RAP1A: variants seen among roughly 807,000 people sequenced by gnomAD.
RAP1A encodes RAP1A, member of RAS oncogene family.
RAP1A carries 6 observed loss-of-function variants against 26.4 expected under a neutral mutation model. The observed-to-expected ratio is 0.23, with a 90% CI of 0.12 to 0.45. The LOEUF is 0.45. Among genes scored for constraint, RAP1A ranks in the 20% least tolerant of loss-of-function variants. RAP1A has a pLI of 0.99. For synonymous variants in RAP1A, 73 were observed against 79.4 expected (o/e 0.92, Z 0.43); for missense variants, 121 against 217.2 (o/e 0.56, Z 2.78).
At chr1:111,646,787 C>T (rs535326987) in intron 1 of RAP1A, among the ~76,000 whole-genome samples, 3 of 152,326 alleles carry the variant, frequency 2.0e-5, no homozygotes, top group African/African-American at 7.2e-5. Context: ...GATCCGCCCG[C>T]CTCGGCTTCC....
intron 1 of RAP1A, among the ~76,000 whole-genome samples, chr1:111,673,887 C>T (rs557038569): frequency 2.0e-5 from 3 of 152,110 alleles, no homozygotes; most frequent in South Asian, 4.1e-4. Context: ...TGTATACATT[C>T]GTGACCCATG....
chr1:111,661,250 G>A (rs747365525), intron 1 of RAP1A, among the ~76,000 whole-genome samples: 1 of 152,144 alleles, frequency 6.6e-6, no homozygotes, highest in African/African-American at 2.4e-5. Flanking sequence ...GGAGGGATTC[G>A]GAGGAGGTCA....
At chr1:111,559,251 T>C (rs1217588304) in intron 1 of RAP1A, among the ~76,000 whole-genome samples, 1 of 152,082 alleles carries the variant, frequency 6.6e-6, no homozygotes, top group Non-Finnish European at 1.5e-5. Context: ...ATTAATAAGA[T>C]AATCAACTAA....
At chr1:111,595,573 G>T (rs908363026) in intron 1 of RAP1A, among the ~76,000 whole-genome samples, 4 of 152,156 alleles carry the variant, frequency 2.6e-5, no homozygotes, top group South Asian at 2.1e-4. Flanking sequence ...AACATAAAGG[G>T]TCATATTGTC....
At chr1:111,611,367 TAGTG>T (rs1658924211) in intron 1 of RAP1A, among the ~76,000 whole-genome samples, 2 of 152,314 alleles carry the variant, frequency 1.3e-5, no homozygotes, top group South Asian at 4.1e-4. Context: ...ATACCATAAA[TAGTG>T]AGTCTAAAAG....
chr1:111,684,400 G>A (rs191960648), intron 1 of RAP1A, among the ~76,000 whole-genome samples: 2 of 152,172 alleles, frequency 1.3e-5, no homozygotes, highest in Non-Finnish European at 2.9e-5. Context: ...AAACCCCATC[G>A]TCTCAGCCCA....
At chr1:111,659,767 G>T (rs967284396) in intron 1 of RAP1A, among the ~76,000 whole-genome samples, 15 of 151,546 alleles carry the variant, frequency 9.9e-5, no homozygotes, top group African/African-American at 3.6e-4. Context: ...TATTATACTT[G>T]TTTTTACTTT....
At chr1:111,707,797 C>T (rs1662242363) in intron 6 of RAP1A, among the ~76,000 whole-genome samples, 1 of 152,168 alleles carries the variant, frequency 6.6e-6, no homozygotes, top group South Asian at 2.1e-4. Context: ...AAATAGTCTG[C>T]TTTTATGAGA....
intron 1 of RAP1A, among the ~76,000 whole-genome samples, chr1:111,655,947 C>T (rs1462598792): frequency 6.6e-6 from 1 of 151,956 alleles, no homozygotes; most frequent in Admixed American, 6.6e-5. Context: ...ACCTCGGCCT[C>T]CCAAAGTGCT....
intron 1 of RAP1A, among the ~76,000 whole-genome samples, chr1:111,645,638 G>A (rs1306356201): frequency 1.3e-5 from 2 of 152,198 alleles, no homozygotes; most frequent in African/African-American, 4.8e-5. Flanking sequence ...CTCCCATTCT[G>A]TGTTGGGCGC....
intron 1 of RAP1A, among the ~76,000 whole-genome samples, chr1:111,661,481 A>G (rs896841452): frequency 1.3e-5 from 2 of 152,194 alleles, no homozygotes; most frequent in Admixed American, 6.5e-5. Context: ...TCAGCAATTC[A>G]TAACTCCTGA....
intron 1 of RAP1A, among the ~76,000 whole-genome samples, chr1:111,621,546 TTGAA>T (rs1659203620): frequency 6.6e-6 from 1 of 152,236 alleles, no homozygotes; most frequent in South Asian, 2.1e-4. Context: ...TAAGTATTTG[TTGAA>T]TGAATTGAAT....
At chr1:111,680,056 C>T (rs1319723909) in intron 1 of RAP1A, among the ~76,000 whole-genome samples, 1 of 152,210 alleles carries the variant, frequency 6.6e-6, no homozygotes, top group Non-Finnish European at 1.5e-5. Flanking sequence ...GACAGACTGC[C>T]TCCTTAAGTG....
chr1:111,697,645 T>G, intron 4 of RAP1A, 148 bp downstream of exon 4: 1 of 1,435,296 alleles, frequency 7.0e-7, no homozygotes, highest in Non-Finnish European at 9.2e-7. Context: ...CTTAAGTATA[T>G]GAAATCAACT....
intron 1 of RAP1A, chr1:111,564,097 C>G: frequency 1.8e-6 from 1 of 570,448 alleles, no homozygotes; most frequent in Non-Finnish European, 3.2e-6. Context: ...CCTTAAGCTC[C>G]TAAAACTCAT....
chr1:111,597,882 T>G (rs1658590516), intron 1 of RAP1A, among the ~76,000 whole-genome samples: 1 of 152,192 alleles, frequency 6.6e-6, no homozygotes, highest in South Asian at 2.1e-4. Context: ...CTAGCCAGTT[T>G]GGAGATTATA....
chr1:111,646,420 TAA>T (rs34766711), intron 1 of RAP1A, among the ~76,000 whole-genome samples: 2 of 107,030 alleles, frequency 1.9e-5, no homozygotes, highest in Non-Finnish European at 1.9e-5. Context: ...TTCCTTTTTG[TAA>T]AAAAAAAAAA....
chr1:111,695,399 C>T lies in RAP1A; in HGVS notation c.116C>T (p.Ser39Phe). 6.4e-7 allele frequency: 1 copy of T among 1,562,512 alleles called. No homozygotes were observed. Among genetic ancestry groups the T allele is most frequent in the East Asian group, 2.4e-5 (1 of 41,618 alleles). ...AAATATGACCCAACGATAGAAGATT[C>T]CTACAGAAAGGTAAAATGTGAAACT... ...VEKYDPTIEDSYRKQVEVDCQ... is the reference protein window; with the variant it reads ...VEKYDPTIEDFYRKQVEVDCQ... The change falls in exon 3 of 8, where the codon TCC (serine) becomes TTC (phenylalanine). Residue 39 changes from serine to phenylalanine, a missense_variant. Coordinates refer to ENST00000369709, the MANE Select transcript of RAP1A (RefSeq NM_002884.4).
At chr1:111,582,782 G>C (rs1415797) in intron 1 of RAP1A, among the ~76,000 whole-genome samples, 126,683 of 152,212 alleles carry the variant, frequency 0.83, 53,966 homozygotes, top group Admixed American at 0.92. Context: ...TTCCTGTTTA[G>C]AGGGTGTGTA....
Sources: gnomAD v4.1 joint callset for allele counts (sites outside exome capture counted in the v4.1 genomes callset) on GRCh38, gnomAD v4.1.1 for gene constraint, MANE v1.5 for transcripts, NCBI Gene and HGNC (gene_info 2026-07-23, HGNC 2026-07-21) for gene names.